The following STPG2 variants were observed in gnomAD, a reference collection of about 807,000 sequenced individuals.
STPG2 encodes the protein sperm tail PG-rich repeat containing 2, also known as sperm-tail PG-rich repeat-containing protein 2.
STPG2 carries 56 observed loss-of-function variants against 54.2 expected under a neutral mutation model. That is an observed-to-expected ratio of 1.03 (90% CI 0.83 to 1.29). STPG2 has a LOEUF of 1.29. Among genes scored for constraint, STPG2 ranks in the 50% most tolerant of loss-of-function variants. The probability of loss-of-function intolerance (pLI) is 0.00; values close to 1 mark genes in which losing one functional copy is unlikely to be tolerated. For synonymous variants in STPG2, 200 were observed against 181.8 expected (o/e 1.10, Z -0.81); for missense variants, 596 against 544.9 (o/e 1.09, Z -0.93).
intron 9 of STPG2, among the ~76,000 whole-genome samples, chr4:97,791,403 G>A (rs890907943): frequency 3.9e-5 from 6 of 152,042 alleles, no homozygotes; most frequent in Non-Finnish European, 7.4e-5. Context: ...ACTATAATCT[G>A]TACTTCATAT....
chr4:97,710,671 G>C (rs1335947871), intron 10 of STPG2, among the ~76,000 whole-genome samples: 1 of 151,950 alleles, frequency 6.6e-6, no homozygotes, highest in African/African-American at 2.4e-5. Context: ...AAAGTCATGA[G>C]AGACTGTCAA....
At chr4:97,811,408 G>A (rs1459492789) in intron 9 of STPG2, among the ~76,000 whole-genome samples, 2 of 151,988 alleles carry the variant, frequency 1.3e-5, no homozygotes, top group Admixed American at 6.6e-5. Flanking sequence ...TTTTAGTGAA[G>A]CAAACATTTT....
chr4:97,828,989 A>C (rs769227743), intron 9 of STPG2, among the ~76,000 whole-genome samples: 4 of 152,204 alleles, frequency 2.6e-5, no homozygotes, highest in Non-Finnish European at 4.4e-5. Flanking sequence ...CTCTGAGAGC[A>C]GCAGATCTCG....
At chr4:97,808,763 A>G (rs1038404300) in intron 9 of STPG2, among the ~76,000 whole-genome samples, 2 of 151,536 alleles carry the variant, frequency 1.3e-5, no homozygotes, top group African/African-American at 2.4e-5. Context: ...AAAAGGAAGA[A>G]AAAAATGTCA....
At chr4:97,911,417 T>C (rs999467837) in intron 8 of STPG2, among the ~76,000 whole-genome samples, 5 of 152,102 alleles carry the variant, frequency 3.3e-5, no homozygotes, top group African/African-American at 1.2e-4. Context: ...TGGCAATAGG[T>C]TGGAGACTGC....
intron 9 of STPG2, among the ~76,000 whole-genome samples, chr4:97,727,983 G>A (rs1171598200): frequency 6.6e-6 from 1 of 151,736 alleles, no homozygotes; most frequent in Non-Finnish European, 1.5e-5. Flanking sequence ...TATCATCTTT[G>A]GTTTTGGATA....
chr4:97,481,608 T>C (rs959310338), intron 4 of STPG2, among the ~76,000 whole-genome samples: 2 of 151,594 alleles, frequency 1.3e-5, no homozygotes, highest in African/African-American at 4.8e-5. Flanking sequence ...ATTCTGATGC[T>C]ATTATCGGTG....
At chr4:97,787,838 G>A (rs999267402) in intron 9 of STPG2, among the ~76,000 whole-genome samples, 35 of 151,284 alleles carry the variant, frequency 2.3e-4, no homozygotes, top group African/African-American at 8.0e-4. Context: ...GTATCTTGAC[G>A]AATTTAGCTA....
intron 5 of STPG2, among the ~76,000 whole-genome samples, chr4:98,057,019 T>A (rs906572373): frequency 6.6e-6 from 1 of 152,168 alleles, no homozygotes; most frequent in Non-Finnish European, 1.5e-5. Context: ...TCTCAGGTAG[T>A]TCTTTACAGC....
At chr4:98,026,157 T>A (rs1380872505) in intron 5 of STPG2, 12 of 1,461,230 alleles carry the variant, frequency 8.2e-6, no homozygotes, top group Admixed American at 3.5e-5. Flanking sequence ...AAGAAAGAAG[T>A]TAAAAAGAGG....
At chr4:97,943,838 T>C (rs1733094435) in intron 8 of STPG2, 59 bp downstream of exon 8, 6 of 1,311,744 alleles carry the variant, frequency 4.6e-6, no homozygotes, top group East Asian at 2.5e-5. Flanking sequence ...GTTTATGTTA[T>C]GCAGCCTCCT....
intron 10 of STPG2, among the ~76,000 whole-genome samples, chr4:97,600,646 C>T (rs1733433319): frequency 6.6e-6 from 1 of 152,030 alleles, no homozygotes; most frequent in African/African-American, 2.4e-5. Context: ...ACTAATGAGG[C>T]AGTGTCTAGA....
intron 9 of STPG2, among the ~76,000 whole-genome samples, chr4:97,743,279 CT>C (rs1451878477): frequency 6.6e-6 from 1 of 151,608 alleles, no homozygotes; most frequent in Non-Finnish European, 1.5e-5. Context: ...AGCACTGTGC[CT>C]TTGTTCAGAG....
At chr4:97,486,845 A>ATATATATATATATACATATATGTATG (rs758834350) in intron 4 of STPG2, among the ~76,000 whole-genome samples, 10 of 137,074 alleles carry the variant, frequency 7.3e-5, no homozygotes, top group South Asian at 4.6e-4. Context: ...ATATATATAT[A>ATATATATATATATACATATATGTATG]TATGTATGTA....
intron 7 of STPG2, among the ~76,000 whole-genome samples, chr4:97,956,240 A>G (rs2149244252): frequency 6.6e-6 from 1 of 152,296 alleles, no homozygotes. Context: ...GCAATACATG[A>G]ATGCTTATTG....
At chr4:97,996,222 T>C (rs1236595779) in intron 5 of STPG2, among the ~76,000 whole-genome samples, 1 of 152,204 alleles carries the variant, frequency 6.6e-6, no homozygotes, top group Non-Finnish European at 1.5e-5. Flanking sequence ...CAAAACAGCA[T>C]GGTACTGGTA....
chr4:97,475,604 A>G (rs2148817569), intron 4 of STPG2, among the ~76,000 whole-genome samples: 1 of 152,156 alleles, frequency 6.6e-6, no homozygotes, highest in Admixed American at 6.5e-5. Flanking sequence ...ATGTGTGTAC[A>G]GGTCCTACAT....
At chr4:98,123,339 C>T (rs1465378903) in intron 3 of STPG2, among the ~76,000 whole-genome samples, 1 of 152,074 alleles carries the variant, frequency 6.6e-6, no homozygotes, top group African/African-American at 2.4e-5. Context: ...TCTATAAATT[C>T]GCTCTTAACA....
intron 4 of STPG2, among the ~76,000 whole-genome samples, chr4:97,456,890 T>TAAAAA (rs1288074783): frequency 1.4e-5 from 1 of 70,230 alleles, no homozygotes; most frequent in African/African-American, 3.0e-4. Flanking sequence ...GTGCTCCGTC[T>TAAAAA]CAAAAAAAAA....
Sources: allele counts gnomAD v4.1 joint callset (sites outside exome capture counted in the v4.1 genomes callset), GRCh38; gene constraint gnomAD v4.1.1; transcripts MANE v1.5; gene names NCBI Gene and HGNC (gene_info 2026-07-23, HGNC 2026-07-21).